Variants in TXNL4A observed in about 807,000 individuals in gnomAD.
TXNL4A encodes thioredoxin like 4A, also known as thioredoxin-like protein 4A.
In TXNL4A, 17 loss-of-function variants were observed where a neutral mutation model predicts 14.6. The ratio of observed to expected loss-of-function variants is 1.16; its 90% CI spans 0.80 to 1.74. The LOEUF (loss-of-function observed/expected upper bound fraction) is 1.74, where lower values mean the gene tolerates loss of function less well. Ranked by LOEUF, TXNL4A falls within the 40% of genes most tolerant of loss-of-function variation. The pLI is 0.00. For missense variants in TXNL4A, 74 were observed against 195.2 expected (o/e 0.38, Z 3.70); for synonymous variants, 83 against 70.6 (o/e 1.18, Z -0.88).
chr18:80,031,445 G>C (rs1189983299), intron 1 of TXNL4A, among the ~76,000 whole-genome samples: 1 of 152,124 alleles, frequency 6.6e-6, no homozygotes, highest in Non-Finnish European at 1.5e-5. Flanking sequence ...GTTATGCTTG[G>C]GCACAAGGAC....
chr18:79,984,592 G>T (rs1431229394), intron 1 of TXNL4A, among the ~76,000 whole-genome samples: 1 of 152,186 alleles, frequency 6.6e-6, no homozygotes, highest in African/African-American at 2.4e-5. Context: ...GTACTATCAT[G>T]AGTCAATAAT....
intron 1 of TXNL4A, among the ~76,000 whole-genome samples, chr18:80,007,875 T>A (rs2051742657): frequency 6.6e-6 from 1 of 152,144 alleles, no homozygotes. Context: ...TGGTCTTGGC[T>A]CCCTTCTGAA....
At chr18:80,021,993 C>CTTTTTTTTTT (rs57141907) in intron 1 of TXNL4A, among the ~76,000 whole-genome samples, 1 of 150,210 alleles carries the variant, frequency 6.7e-6, no homozygotes, top group Non-Finnish European at 1.5e-5. Context: ...GCTAGAATAC[C>CTTTTTTTTTT]TTTTTTTTTT....
At chr18:79,992,328 G>C (rs1233682450), upstream of TXNL4A, among the ~76,000 whole-genome samples, 1 of 152,230 alleles carries the variant, frequency 6.6e-6, no homozygotes, top group African/African-American at 2.4e-5. Flanking sequence ...AGGAAGCTGA[G>C]ACGCCAAAGA....
intron 1 of TXNL4A, among the ~76,000 whole-genome samples, chr18:80,025,584 G>A (rs2051879284): frequency 6.6e-6 from 1 of 152,224 alleles, no homozygotes; most frequent in Non-Finnish European, 1.5e-5. Flanking sequence ...ACTGGTAACA[G>A]GTAGCGGAGC....
intron 1 of TXNL4A, among the ~76,000 whole-genome samples, chr18:79,996,291 A>G (rs2051662150): frequency 6.6e-6 from 1 of 152,122 alleles, no homozygotes; most frequent in South Asian, 2.1e-4. Context: ...ATAAACCAGG[A>G]GCTTACAACT....
At chr18:80,029,757 C>A (rs943586022) in intron 1 of TXNL4A, among the ~76,000 whole-genome samples, 2 of 152,180 alleles carry the variant, frequency 1.3e-5, no homozygotes, top group African/African-American at 4.8e-5. Context: ...TTTTGGAAAA[C>A]AACTGTGTCC....
chr18:80,013,978 C>A (rs746591225), intron 1 of TXNL4A, among the ~76,000 whole-genome samples: 4 of 152,114 alleles, frequency 2.6e-5, no homozygotes, highest in Non-Finnish European at 5.9e-5. Flanking sequence ...GAGGAAGAAA[C>A]AAAAGCAGAA....
chr18:79,988,415 G>T lies in TXNL4A; in HGVS notation c.-23C>A. On this transcript the variant is annotated 5_prime_UTR_variant, in exon 1 of 3. Coordinates refer to ENST00000269601, the MANE Select transcript of TXNL4A (RefSeq NM_006701.5). ...CATGGCGGCCCGCGCGCTCGCCGCC[G>T]CCCAAGGCGGGGCGCCAGGGAGGGC... 1 of 1,413,276 alleles carries T rather than the reference G, an allele frequency of 7.1e-7. No individual in the cohort carries two copies. Among genetic ancestry groups the T allele is most frequent in the South Asian group, 1.5e-5 (1 of 68,652 alleles). The allele number at this position is 1,413,276 out of a possible 1,614,324, so 87.5% of individuals were successfully genotyped here.
In TXNL4A at chr18:80,009,610, G is replaced by C. The variant is rs375503274; in HGVS notation, c.-61+24241C>G. Among the ~76,000 whole-genome samples, 58 of 152,336 alleles carry C rather than the reference G, an allele frequency of 3.8e-4. No homozygotes were observed. The South Asian group carries it at 5.6e-3, about 15-fold the overall frequency. ...AAGGCAGAGATAGAGACCAAGGCCA[G>C]ATTTAGAGCAAGAGTGAGAGTTTAT... On this transcript the variant is annotated intron_variant, in intron 1 of 2. Coordinates refer to the TXNL4A transcript ENST00000585474.
chr18:79,988,933 G>C (rs1335928568), upstream of TXNL4A, among the ~76,000 whole-genome samples: 1 of 152,226 alleles, frequency 6.6e-6, no homozygotes, highest in African/African-American at 2.4e-5. Flanking sequence ...GCTTGTTTCT[G>C]TGTGTTACTA....
At chr18:80,009,349 T>C (rs1275164285) in intron 1 of TXNL4A, among the ~76,000 whole-genome samples, 2 of 152,158 alleles carry the variant, frequency 1.3e-5, no homozygotes, top group Non-Finnish European at 2.9e-5. Context: ...ATTTTGACTT[T>C]TCCATATTTC....
At chr18:80,008,355 A>G (rs908486266) in intron 1 of TXNL4A, among the ~76,000 whole-genome samples, 7 of 152,156 alleles carry the variant, frequency 4.6e-5, no homozygotes, top group Non-Finnish European at 1.0e-4. Context: ...GAGAAAAGTG[A>G]GTCTGGGGAA....
intron 1 of TXNL4A, among the ~76,000 whole-genome samples, chr18:80,031,256 G>T (rs1469440733): frequency 6.6e-6 from 1 of 152,216 alleles, no homozygotes; most frequent in African/African-American, 2.4e-5. Flanking sequence ...GATATATGGG[G>T]TGGACACCTG....
At chr18:80,031,362 G>T (rs2145133903) in intron 1 of TXNL4A, among the ~76,000 whole-genome samples, 1 of 152,302 alleles carries the variant, frequency 6.6e-6, no homozygotes, top group East Asian at 1.9e-4. Flanking sequence ...AGCTCCAAGT[G>T]GGACATATTG....
rs562073697 is a variant in TXNL4A at position 80,000,834 on chromosome 18, A to G, written c.-60-23133T>C. Among the ~76,000 whole-genome samples, 8 of 152,148 alleles carry G rather than the reference A, an allele frequency of 5.3e-5. No homozygotes were observed. The South Asian group carries it at 1.7e-3, about 32-fold the overall frequency. ...ACTCCCAGCTAATTTTTGTATTTTTAGTAGAGACGGGGTTTCACCATGTTG... is the reference window on the plus strand; with the variant it reads ...ACTCCCAGCTAATTTTTGTATTTTTGGTAGAGACGGGGTTTCACCATGTTG... On this transcript the variant is annotated intron_variant, in intron 1 of 2. Transcript: ENST00000585474.
chr18:80,025,464 C>G (rs1014859703), intron 1 of TXNL4A, among the ~76,000 whole-genome samples: 3 of 152,224 alleles, frequency 2.0e-5, no homozygotes, highest in Non-Finnish European at 2.9e-5. Context: ...TTCAAAGACC[C>G]CAGCTGCTGC....
In TXNL4A at chr18:80,028,381, T is replaced by C. The variant is rs944606104; in HGVS notation, c.-61+5470A>G. ...GTGTGTCTGTCAACCGGTCAGCCTC[T>C]TATCAAATTTTGCTTGTACCATCTT... On this transcript the variant is annotated intron_variant, in intron 1 of 2. Coordinates refer to the TXNL4A transcript ENST00000585474. Among the ~76,000 whole-genome samples the C allele has an allele frequency of 1.5e-4, 22 of 150,502 alleles. No individual in the cohort carries two copies. In the South Asian group the frequency reaches 1.5e-3, roughly 10 times the overall value.
intron 1 of TXNL4A, among the ~76,000 whole-genome samples, chr18:80,024,247 G>A (rs751352728): frequency 1.7e-4 from 26 of 152,054 alleles, no homozygotes; most frequent in Admixed American, 4.6e-4. Context: ...CATGGAAGGT[G>A]AGTTTGTCTG....
Sources: allele counts gnomAD v4.1 joint callset (sites outside exome capture counted in the v4.1 genomes callset), GRCh38; gene constraint gnomAD v4.1.1; transcripts MANE v1.5; gene names NCBI Gene and HGNC (gene_info 2026-07-23, HGNC 2026-07-21).